The following CCDC33 variants were observed in gnomAD, a reference collection of about 807,000 sequenced individuals.
The protein encoded by CCDC33 is coiled-coil domain containing 33.
Under a neutral mutation model 91.9 loss-of-function variants are expected in CCDC33, and 94 were observed. That is an observed-to-expected ratio of 1.02 (90% CI 0.87 to 1.21). The LOEUF (loss-of-function observed/expected upper bound fraction) is 1.21, where lower values mean the gene tolerates loss of function less well. Ranked by LOEUF, CCDC33 falls within the 50% of genes most tolerant of loss-of-function variation. The probability of loss-of-function intolerance (pLI) is 0.00; values close to 1 mark genes in which losing one functional copy is unlikely to be tolerated. For synonymous variants in CCDC33, 396 were observed against 374.5 expected (o/e 1.06, Z -0.66); for missense variants, 940 against 935.5 (o/e 1.00, Z -0.06).
chr15:74,208,532 CA>C (rs1400016578), intron 1 of CCDC33, among the ~76,000 whole-genome samples: 1 of 152,166 alleles, frequency 6.6e-6, no homozygotes, highest in African/African-American at 2.4e-5. Flanking sequence ...ACCTTTTGCC[CA>C]CAGCCAGTCA....
intron 7 of CCDC33, among the ~76,000 whole-genome samples, chr15:74,277,076 C>G (rs146954124): frequency 1.9e-3 from 292 of 152,342 alleles, no homozygotes; most frequent in African/African-American, 6.4e-3. Context: ...CCCCCAGAGT[C>G]AACATTTGCT....
At chr15:74,333,255 T>G (rs994613219) in intron 16 of CCDC33, 21 of 1,603,234 alleles carry the variant, frequency 1.3e-5, no homozygotes, top group Non-Finnish European at 1.5e-5. Flanking sequence ...GGAGGAGACT[T>G]GACAGAGAGG....
intron 2 of CCDC33, 39 bp from the exon 3 acceptor site, chr15:74,262,401 A>G: frequency 6.2e-7 from 1 of 1,611,324 alleles, no homozygotes; most frequent in South Asian, 1.1e-5. Context: ...AGCAGACAGA[A>G]CCCCTCCCTT....
chr15:74,256,377 G>A (rs531680094), intron 2 of CCDC33, among the ~76,000 whole-genome samples: 4 of 152,186 alleles, frequency 2.6e-5, no homozygotes, highest in African/African-American at 9.6e-5. Context: ...TCGACTTTAT[G>A]TCTGGCCCAC....
At chr15:74,221,215 GGTTTTT>G in intron 2 of CCDC33, 1 of 797,250 alleles carries the variant, frequency 1.3e-6, no homozygotes. Context: ...GTGTGGCACT[GGTTTTT>G]TTTTTTTTTT....
intron 2 of CCDC33, among the ~76,000 whole-genome samples, chr15:74,220,990 C>T (rs546925400): frequency 3.3e-5 from 5 of 152,228 alleles, no homozygotes; most frequent in East Asian, 1.9e-4. Flanking sequence ...GGGCTGTCAG[C>T]GAGCAATATT....
chr15:74,311,676 A>G (rs1282630191), intron 11 of CCDC33: 1 of 152,218 alleles, frequency 6.6e-6, no homozygotes, highest in African/African-American at 2.4e-5. Context: ...GCTCTGGGTT[A>G]GATGACAGCG....
upstream of CCDC33, chr15:74,212,399 C>T (rs867515354): frequency 6.6e-6 from 1 of 152,276 alleles, no homozygotes; most frequent in African/African-American, 2.4e-5. Flanking sequence ...ACTGATGCTG[C>T]CCTAGCTCCC....
intron 2 of CCDC33, among the ~76,000 whole-genome samples, chr15:74,220,564 G>A (rs1034349376): frequency 1.3e-5 from 2 of 152,176 alleles, no homozygotes; most frequent in Non-Finnish European, 2.9e-5. Context: ...CCACGTGGAC[G>A]ATGCTCTTCA....
rs569323049 is a variant in CCDC33 at position 74,227,981 on chromosome 15, G to A, written c.675+9120G>A. ...GCCACCCTGATTCACAGCCTTGGAG[G>A]CGGGGGTGGGGGGATGGGCCACCCA... On this transcript the variant is annotated intron_variant, in intron 2 of 2. Coordinates refer to the CCDC33 transcript ENST00000635913. Among the ~76,000 whole-genome samples, 27 of 152,250 alleles carry A rather than the reference G, an allele frequency of 1.8e-4. No individual in the cohort carries two copies. In the South Asian group the frequency reaches 5.4e-3, roughly 30 times the overall value.
intron 11 of CCDC33, among the ~76,000 whole-genome samples, chr15:74,313,024 C>T (rs1295096966): frequency 1.3e-5 from 2 of 152,234 alleles, no homozygotes; most frequent in East Asian, 3.8e-4. Context: ...CTGATCCCCA[C>T]TCTGGCTCCC....
chr15:74,217,353 CT>C lies in CCDC33; in HGVS notation c.83del (p.Leu28ArgfsTer6), dbSNP rs761819532. 4.7e-6 allele frequency: 6 copies of C among 1,290,132 alleles called. 1 individual carries two copies. The South Asian group carries it at 7.4e-5, about 16-fold the overall frequency. 79.9% of individuals were successfully genotyped at this position (1,290,132 alleles called of 1,614,324 possible). On this transcript the variant is annotated frameshift_variant, in exon 1 of 3. Coordinates refer to the CCDC33 transcript ENST00000635913. LOFTEE classifies it high-confidence loss of function. Reference sequence around the variant, plus strand: ...GAAGGCCGAGGAGAAGACGCTGGATCTGGAGTTCGAAGTTTTGAGCGTGGGG... The same window carrying C: ...GAAGGCCGAGGAGAAGACGCTGGATCGGAGTTCGAAGTTTTGAGCGTGGGG...
chr15:74,212,002 C>CT (rs1334279441), intron 2 of CCDC33: 2 of 152,642 alleles, frequency 1.3e-5, no homozygotes, highest in Non-Finnish European at 1.5e-5. Context: ...GTCTCTCCTC[C>CT]TAAAGGTTTT....
intron 1 of CCDC33, chr15:74,208,166 C>G (rs2074305897): frequency 1.6e-6 from 1 of 629,026 alleles, no homozygotes; most frequent in Non-Finnish European, 2.1e-6. Context: ...GAGGGCTAGG[C>G]TAGTACTGAC....
intron 2 of CCDC33, among the ~76,000 whole-genome samples, chr15:74,250,413 G>C (rs1003782820): frequency 6.6e-6 from 1 of 152,010 alleles, no homozygotes; most frequent in Non-Finnish European, 1.5e-5. Flanking sequence ...ACATCTCTCC[G>C]TTCTCTGAGC....
upstream of CCDC33, among the ~76,000 whole-genome samples, chr15:74,214,139 G>A (rs372012170): frequency 1.3e-4 from 20 of 152,016 alleles, no homozygotes; most frequent in African/African-American, 4.1e-4. Context: ...GTGTGTCAGC[G>A]GGGGAGGTTG....
At chr15:74,205,382 G>A (rs1047413489) in intron 1 of CCDC33, among the ~76,000 whole-genome samples, 2 of 152,170 alleles carry the variant, frequency 1.3e-5, no homozygotes, top group Admixed American at 6.5e-5. Flanking sequence ...ACCCACAATC[G>A]TGATGGAAGG....
At chr15:74,232,875 A>C (rs796239376), upstream of CCDC33, among the ~76,000 whole-genome samples, 16 of 152,196 alleles carry the variant, frequency 1.1e-4, no homozygotes, top group African/African-American at 3.6e-4. Context: ...AGAAGTGAGA[A>C]ATGGCCATGG....
chr15:74,249,544 G>A (rs1017365021), intron 2 of CCDC33, among the ~76,000 whole-genome samples: 9 of 152,038 alleles, frequency 5.9e-5, no homozygotes, highest in African/African-American at 2.2e-4. Flanking sequence ...AACTAGGATT[G>A]CAGTGCATTG....
Sources: allele counts gnomAD v4.1 joint callset (sites outside exome capture counted in the v4.1 genomes callset), GRCh38; gene constraint gnomAD v4.1.1; transcripts MANE v1.5; gene names NCBI Gene and HGNC (gene_info 2026-07-23, HGNC 2026-07-21).